Variants in RCC1L observed in about 807,000 individuals in gnomAD.
RCC1L encodes RCC1-like G exchanging factor-like protein.
RCC1L carries 46 observed loss-of-function variants against 58.6 expected under a neutral mutation model. The observed-to-expected ratio is 0.79, with a 90% CI of 0.62 to 1.00. RCC1L has a LOEUF of 1.00. Ranked by LOEUF, RCC1L falls within the 50% of genes least tolerant of loss-of-function variation. The pLI is 0.00. For missense variants in RCC1L, 636 were observed against 623.6 expected (o/e 1.02, Z -0.21); for synonymous variants, 281 against 262.9 (o/e 1.07, Z -0.67).
chr7:75,037,357 G>C (rs886835784), downstream of RCC1L, among the ~76,000 whole-genome samples: 2 of 151,718 alleles, frequency 1.3e-5, no homozygotes, highest in South Asian at 4.1e-4. Flanking sequence ...GCTAATTTTT[G>C]TATTTTTAAA....
chr7:75,042,152 CAAGT>C (rs1266945227), downstream of RCC1L: 3 of 982,696 alleles, frequency 3.1e-6, no homozygotes, highest in African/African-American at 5.2e-5. Context: ...TCTAAATGAT[CAAGT>C]AAGATTTAAG....
chr7:75,066,930 G>A, intron 2 of RCC1L, 138 bp from the exon 3 acceptor site: 1 of 1,213,180 alleles, frequency 8.2e-7, no homozygotes, highest in Non-Finnish European at 1.1e-6. Flanking sequence ...GTTAGGCGCA[G>A]AGCAAGGACC....
At chr7:75,037,287 C>T (rs1233111894), downstream of RCC1L, among the ~76,000 whole-genome samples, 3 of 152,208 alleles carry the variant, frequency 2.0e-5, no homozygotes, top group South Asian at 2.1e-4. Context: ...CTGGTTCAAG[C>T]GATTCTCCTG....
intron 6 of RCC1L, among the ~76,000 whole-genome samples, chr7:75,060,106 A>G (rs1394710540): frequency 2.6e-5 from 4 of 152,224 alleles, no homozygotes; most frequent in Non-Finnish European, 4.4e-5. Flanking sequence ...TCAGAATGCC[A>G]TATAGCTAGA....
At position 75,056,057 on chromosome 7, in the gene RCC1L, C is replaced by T. The variant is rs1806069505; in HGVS notation, c.1075G>A (p.Val359Ile). Residue 359 changes from valine (V) to isoleucine (I), a missense_variant, in exon 9 of 11, where the codon GTC (valine) becomes ATC (isoleucine). Physicochemically the swap from Val to Ile is conservative, Grantham distance 29 (BLOSUM62 3). Coordinates refer to ENST00000610322, the MANE Select transcript of RCC1L (RefSeq NM_030798.5). ...TTCCCAAGAATTCCATAGCCCCAGA[C>T]AAAAACATGTCCTTCTCCTACATTA... is the stretch of plus-strand genomic sequence containing the variant. ...AVLNGEGHVF[V>I]WGYGILGKGP... The T allele has an allele frequency of 6.2e-7, 1 of 1,613,898 alleles. No homozygotes were observed. Among genetic ancestry groups the T allele is most frequent in the Non-Finnish European group, 8.5e-7 (1 of 1,179,850 alleles).
At chr7:75,037,355 T>C (rs1489741631), downstream of RCC1L, among the ~76,000 whole-genome samples, 1 of 151,504 alleles carries the variant, frequency 6.6e-6, no homozygotes, top group African/African-American at 2.4e-5. Flanking sequence ...CAGCTAATTT[T>C]TGTATTTTTA....
At chr7:75,033,608 T>C (rs1342694253) in intron 10 of RCC1L, among the ~76,000 whole-genome samples, 1 of 150,932 alleles carries the variant, frequency 6.6e-6, no homozygotes, top group African/African-American at 2.4e-5. Flanking sequence ...GGCAGAAGAA[T>C]CGCTTGAACC....
At chr7:75,056,199 T>C (rs200682695) in intron 8 of RCC1L, 125 bp from the exon 9 acceptor site, 672,436 of 1,134,354 alleles carry the variant, frequency 0.59, 206,640 homozygotes, top group East Asian at 0.9. Flanking sequence ...TTTTTTTGTT[T>C]TGTTTTTTTC....
Position 75,042,281 on chromosome 7 carries a change from G to C in RCC1L, c.*751C>G. On this transcript the variant is annotated 3_prime_UTR_variant, in exon 11 of 11. Coordinates refer to ENST00000610322, the MANE Select transcript of RCC1L (RefSeq NM_030798.5). ...AAGTCACGCTACTAAATCAAACATT[G>C]TTCACAATTTCTGGATCTTCCTCCT... 1 of 985,490 alleles carries C rather than the reference G, an allele frequency of 1.0e-6. No individual in the cohort carries two copies. The highest frequency in any genetic ancestry group is 1.2e-6 in the Non-Finnish European group (1 of 829,954). 61.0% of individuals were successfully genotyped at this position (985,490 alleles called of 1,614,324 possible). A position where few individuals can be genotyped will look rare whatever the true frequency, so the allele number is the denominator to read the frequency against.
chr7:75,034,378 T>A (rs1805388637), intron 10 of RCC1L, among the ~76,000 whole-genome samples: 2 of 152,132 alleles, frequency 1.3e-5, no homozygotes, highest in African/African-American at 2.4e-5. Flanking sequence ...TAGCCAAGCA[T>A]GGCGGTGTGT....
At chr7:75,036,368 C>T (rs1000897169) in intron 10 of RCC1L, among the ~76,000 whole-genome samples, 7 of 146,548 alleles carry the variant, frequency 4.8e-5, no homozygotes, top group African/African-American at 7.6e-5. Flanking sequence ...GTGACCTGCC[C>T]GCTTAGCCTC....
At chr7:75,037,448 C>G (rs910540832), downstream of RCC1L, among the ~76,000 whole-genome samples, 7 of 151,990 alleles carry the variant, frequency 4.6e-5, no homozygotes, top group African/African-American at 1.7e-4. Flanking sequence ...CTCGGCCTCC[C>G]AAAGTGCTGG....
At chr7:75,066,938 A>C in intron 2 of RCC1L, 146 bp from the exon 3 acceptor site, 2 of 1,121,538 alleles carry the variant, frequency 1.8e-6, no homozygotes, top group Non-Finnish European at 2.4e-6. Context: ...CAGAGCAAGG[A>C]CCAGAAGCCC....
intron 10 of RCC1L, among the ~76,000 whole-genome samples, chr7:75,052,190 T>G (rs1805933633): frequency 2.0e-5 from 3 of 152,196 alleles, no homozygotes; most frequent in African/African-American, 7.2e-5. Flanking sequence ...ATCTAAATAT[T>G]AAACATCCTG....
intron 5 of RCC1L, among the ~76,000 whole-genome samples, chr7:75,061,701 CTCCTCAT>C: frequency 6.6e-6 from 1 of 152,132 alleles, no homozygotes; most frequent in Middle Eastern, 3.2e-3. Flanking sequence ...TCTCTCCTCA[CTCCTCAT>C]GCTACCCTGG....
At chr7:75,072,161 C>CATATATATACATATATATATATATATAT (rs1806771845) in intron 1 of RCC1L, among the ~76,000 whole-genome samples, 1 of 46,366 alleles carries the variant, frequency 2.2e-5, no homozygotes, top group African/African-American at 5.8e-5. Context: ...TATACATATA[C>CATATATATACATATATATATATATATAT]ATATATATAT....
chr7:75,044,336 C>T (rs1805653423), intron 10 of RCC1L, among the ~76,000 whole-genome samples: 1 of 152,158 alleles, frequency 6.6e-6, no homozygotes, highest in Admixed American at 6.6e-5. Context: ...CGCAGTGGCT[C>T]ACACCTGTAA....
Position 75,058,695 on chromosome 7 carries a change from C to T in RCC1L, c.862G>A (p.Val288Ile). 2.5e-6 allele frequency: 4 copies of T among 1,613,994 alleles called. No homozygotes were observed. The African/African-American group carries it at 4.0e-5, about 16-fold the overall frequency. ...AGGCAGCAATCACCGTAGGTGGCAA[C>T]TTGGATAACGTTCACTCCCGCCAGG... ...GDLAGVNVIQ[V>I]ATYGDCCLAV... The change falls in exon 7 of 11, where the codon GTT becomes ATT. Residue 288 changes from valine to isoleucine, a missense_variant. By Grantham distance (29) the Val-to-Ile change is conservative. Transcript: ENST00000610322.
intron 2 of RCC1L, among the ~76,000 whole-genome samples, chr7:75,070,425 G>T (rs587762034): frequency 6.6e-6 from 1 of 152,176 alleles, no homozygotes; most frequent in African/African-American, 2.4e-5. Context: ...GCAAAAATTA[G>T]GCAGGCATGG....
Sources: gnomAD v4.1 joint callset for allele counts (sites outside exome capture counted in the v4.1 genomes callset) on GRCh38, gnomAD v4.1.1 for gene constraint, MANE v1.5 for transcripts, NCBI Gene and HGNC (gene_info 2026-07-23, HGNC 2026-07-21) for gene names.